The following DIAPH2 variants were observed in gnomAD, a reference collection of about 807,000 sequenced individuals.
DIAPH2 encodes the protein diaphanous related formin 2.
Under a neutral mutation model 92.7 loss-of-function variants are expected in DIAPH2, and 35 were observed. The ratio of observed to expected loss-of-function variants is 0.38; its 90% confidence interval spans 0.29 to 0.50. The LOEUF is 0.50. DIAPH2 is among the 20% of genes least tolerant of loss of function. DIAPH2 has a pLI of 0.94. For missense variants in DIAPH2, 701 were observed against 819.5 expected (o/e 0.86, Z 1.77); for synonymous variants, 301 against 280.4 (o/e 1.07, Z -0.73).
At chrX:97,348,003 T>C in intron 23 of DIAPH2, 113 bp from the exon 24 acceptor site, 1 of 714,532 alleles carries the variant, frequency 1.4e-6, no homozygotes, top group Non-Finnish European at 2.1e-6. Context: ...TACACAAGTA[T>C]TTGTGCATTA....
At chrX:96,850,166 A>G (rs1452068942) in intron 4 of DIAPH2, among the ~76,000 whole-genome samples, 1 of 111,554 alleles carries the variant, frequency 9.0e-6, no homozygotes, top group East Asian at 2.8e-4. Flanking sequence ...TCCTAATAGT[A>G]TAGTATTGGC....
chrX:97,403,069 CT>C (rs2069773951), intron 25 of DIAPH2, among the ~76,000 whole-genome samples: 1 of 111,772 alleles, frequency 8.9e-6, no homozygotes, highest in Admixed American at 9.5e-5. Context: ...GTGTGAGGCC[CT>C]TCTGAGAGCA....
intron 25 of DIAPH2, among the ~76,000 whole-genome samples, chrX:97,415,174 A>T (rs947918082): frequency 2.7e-5 from 3 of 112,270 alleles, no homozygotes; most frequent in Non-Finnish European, 5.6e-5. Flanking sequence ...CACCAGTTAG[A>T]ATGGCGATCA....
chrX:97,302,086 G>T (rs2068711337), intron 23 of DIAPH2, among the ~76,000 whole-genome samples: 1 of 107,237 alleles, frequency 9.3e-6, no homozygotes, highest in African/African-American at 3.5e-5. Context: ...GGTGGTGCGT[G>T]CCTGTAGTCC....
intron 17 of DIAPH2, among the ~76,000 whole-genome samples, chrX:97,012,886 G>A (rs2066236812): frequency 8.9e-6 from 1 of 112,237 alleles, no homozygotes; most frequent in Non-Finnish European, 1.9e-5. Context: ...TAAGAACAGT[G>A]CAAATAAACC....
intron 23 of DIAPH2, among the ~76,000 whole-genome samples, chrX:97,288,412 G>A (rs1054005290): frequency 9.0e-6 from 1 of 110,905 alleles, no homozygotes; most frequent in Admixed American, 9.8e-5. Flanking sequence ...TGTGAAGGAA[G>A]GGAGGCCAGG....
intron 4 of DIAPH2, among the ~76,000 whole-genome samples, chrX:96,867,554 G>C (rs2065113036): frequency 9.0e-6 from 1 of 111,333 alleles, no homozygotes; most frequent in Non-Finnish European, 1.9e-5. Context: ...GGACTTTGGG[G>C]TAAGCAGTAT....
At chrX:97,296,708 T>C (rs895172137) in intron 23 of DIAPH2, among the ~76,000 whole-genome samples, 1 of 112,188 alleles carries the variant, frequency 8.9e-6, no homozygotes, top group Non-Finnish European at 1.9e-5. Flanking sequence ...CCTTTTCTGG[T>C]TCCTATTTTA....
At chrX:97,385,091 C>T (rs774725225) in intron 25 of DIAPH2, among the ~76,000 whole-genome samples, 1 of 109,708 alleles carries the variant, frequency 9.1e-6, no homozygotes, top group South Asian at 3.9e-4. Flanking sequence ...AATTTAGGAA[C>T]AAAACAAAAC....
chrX:97,153,606 C>T (rs762892669), intron 22 of DIAPH2, among the ~76,000 whole-genome samples: 1 of 111,043 alleles, frequency 9.0e-6, no homozygotes, highest in Admixed American at 9.6e-5. Context: ...AACAAACAAA[C>T]AAAAAAATGA....
intron 9 of DIAPH2, among the ~76,000 whole-genome samples, chrX:96,928,566 T>C (rs1310270622): frequency 9.0e-6 from 1 of 111,645 alleles, no homozygotes; most frequent in Non-Finnish European, 1.9e-5. Context: ...CTTTTTGTTT[T>C]CCACATTCAT....
intron 17 of DIAPH2, among the ~76,000 whole-genome samples, chrX:97,054,763 A>G (rs1661002216): frequency 9.0e-6 from 1 of 111,224 alleles, no homozygotes; most frequent in Non-Finnish European, 1.9e-5. Flanking sequence ...CTTAAGCTTT[A>G]TCATCTACAT....
At chrX:97,359,060 C>T (rs925054487) in intron 24 of DIAPH2, among the ~76,000 whole-genome samples, 1 of 111,894 alleles carries the variant, frequency 8.9e-6, no homozygotes, top group Non-Finnish European at 1.9e-5. Flanking sequence ...TCATGATGCC[C>T]TTTTACAAAC....
chrX:97,124,007 G>T (rs896279964), intron 21 of DIAPH2, among the ~76,000 whole-genome samples: 1 of 111,925 alleles, frequency 8.9e-6, no homozygotes, highest in Non-Finnish European at 1.9e-5. Context: ...TAAAATGATA[G>T]CCTCAATTTT....
chrX:97,192,293 CAAAA>C (rs773665704), intron 22 of DIAPH2, among the ~76,000 whole-genome samples: 1 of 32,407 alleles, frequency 3.1e-5, no homozygotes, highest in African/African-American at 1.2e-4. Context: ...GACTCCGTCT[CAAAA>C]AAAAAAAAAA....
At chrX:97,557,795 C>T (rs2071267634) in intron 26 of DIAPH2, among the ~76,000 whole-genome samples, 1 of 111,885 alleles carries the variant, frequency 8.9e-6, no homozygotes, top group Non-Finnish European at 1.9e-5. Context: ...GTCATCCAAA[C>T]CATTGCCTAG....
At chrX:97,215,033 A>G (rs1261082097) in intron 22 of DIAPH2, among the ~76,000 whole-genome samples, 3 of 110,572 alleles carry the variant, frequency 2.7e-5, no homozygotes, top group African/African-American at 9.9e-5. Context: ...TTAGTCTCCT[A>G]TAATCTTGCT....
chrX:96,866,596 G>C (rs1000358979), intron 4 of DIAPH2, among the ~76,000 whole-genome samples: 11 of 111,797 alleles, frequency 9.8e-5, no homozygotes, highest in African/African-American at 3.6e-4. Context: ...TAAATTGTAT[G>C]TTTAATATCA....
rs201022192 is a variant in DIAPH2 at position 97,383,900 on chromosome X, T to C, written c.3010-9T>C. On this transcript the variant is annotated splice_polypyrimidine_tract_variant and intron_variant, in intron 24 of 26. Transcript: ENST00000324765. ...AAAGGTTTCCATTTAACTTTGTTTA[T>C]ATGTATAGGAAGCAGTGAGAGAAAA... 285 of 1,170,570 alleles carry C rather than the reference T, an allele frequency of 2.4e-4. No individual in the cohort carries two copies. Among genetic ancestry groups the C allele is most frequent in the Middle Eastern group, 1.0e-3 (4 of 3,887 alleles).
Sources: allele counts gnomAD v4.1 joint callset (sites outside exome capture counted in the v4.1 genomes callset), GRCh38; gene constraint gnomAD v4.1.1; transcripts MANE v1.5; gene names NCBI Gene and HGNC (gene_info 2026-07-23, HGNC 2026-07-21).